Variants in CDH13 observed in about 807,000 individuals in gnomAD.
The protein encoded by CDH13 is cadherin 13, also known as cadherin-13.
Under a neutral mutation model 63.8 loss-of-function variants are expected in CDH13, and 24 were observed. The observed-to-expected ratio is 0.38, with a 90% CI of 0.27 to 0.53. The LOEUF (loss-of-function observed/expected upper bound fraction) is 0.53. CDH13 is among the 20% of genes least tolerant of loss of function. The probability of loss-of-function intolerance (pLI) is 0.85; values close to 1 mark genes in which losing one functional copy is unlikely to be tolerated. For synonymous variants in CDH13, 503 were observed against 355.3 expected (o/e 1.42, Z -4.67); for missense variants, 1,049 against 903.1 (o/e 1.16, Z -2.07).
intron 8 of CDH13, 109 bp from the exon 9 acceptor site, chr16:83,670,681 T>C: frequency 1.1e-6 from 1 of 941,300 alleles, no homozygotes; most frequent in Non-Finnish European, 1.7e-6. Context: ...TCTTATGTTA[T>C]TATTTATTTT....
chr16:82,992,086 G>A (rs1027953069), intron 2 of CDH13, among the ~76,000 whole-genome samples: 5 of 152,138 alleles, frequency 3.3e-5, no homozygotes, highest in South Asian at 4.1e-4. Context: ...GAAGTGAAAC[G>A]GCACTGATTA....
At chr16:82,723,623 C>T (rs372597784) in intron 1 of CDH13, among the ~76,000 whole-genome samples, 2 of 152,194 alleles carry the variant, frequency 1.3e-5, no homozygotes, top group South Asian at 4.1e-4. Flanking sequence ...TCCTAAATGA[C>T]AGCAAGGAGT....
At chr16:83,074,981 C>G (rs1215041895) in intron 3 of CDH13, among the ~76,000 whole-genome samples, 1 of 152,196 alleles carries the variant, frequency 6.6e-6, no homozygotes, top group African/African-American at 2.4e-5. Context: ...TGCCTCTCAC[C>G]TTACAGCTTG....
At chr16:83,134,537 G>T (rs1446200970) in intron 4 of CDH13, among the ~76,000 whole-genome samples, 1 of 136,298 alleles carries the variant, frequency 7.3e-6, no homozygotes, top group African/African-American at 2.7e-5. Context: ...GTGGGGATGG[G>T]GTGGGGGGAG....
At chr16:83,126,872 G>A (rs906262968) in intron 4 of CDH13, among the ~76,000 whole-genome samples, 1 of 152,176 alleles carries the variant, frequency 6.6e-6, no homozygotes, top group African/African-American at 2.4e-5. Flanking sequence ...ATGCTAGTGG[G>A]AAGACAGAAA....
chr16:82,889,905 C>T (rs1215702468), intron 2 of CDH13, among the ~76,000 whole-genome samples: 2 of 152,226 alleles, frequency 1.3e-5, no homozygotes, highest in African/African-American at 4.8e-5. Flanking sequence ...AGAGTATAGA[C>T]TCTTCTTTGG....
intron 1 of CDH13, among the ~76,000 whole-genome samples, chr16:82,698,757 A>G (rs1423986507): frequency 6.6e-6 from 1 of 152,210 alleles, no homozygotes. Context: ...AACATTTTTT[A>G]CAATCTATTA....
chr16:83,668,223 C>T (rs952853389), intron 8 of CDH13, among the ~76,000 whole-genome samples: 3 of 152,140 alleles, frequency 2.0e-5, no homozygotes, highest in African/African-American at 7.2e-5. Context: ...GATCCCACTT[C>T]CTATACTTAA....
rs116975277 is a variant in CDH13 at position 83,306,350 on chromosome 16, T to C, written c.637-38512T>C. Among the ~76,000 whole-genome samples the C allele has an allele frequency of 8.4e-3, 1,280 of 152,314 alleles. 2 individuals carry two copies. The highest frequency in any genetic ancestry group is 0.014 in the Non-Finnish European group (932 of 68,030). On this transcript the variant is annotated intron_variant, in intron 5 of 13. Transcript: ENST00000567109. ...AGGCTAGCAGGAGGTGTTTGGCTTA[T>C]AGGGGCAGATGTCTCACAAATGCTG...
chr16:82,795,649 G>C (rs372523887), intron 1 of CDH13, among the ~76,000 whole-genome samples: 77 of 152,262 alleles, frequency 5.1e-4, no homozygotes, highest in African/African-American at 1.8e-3. Context: ...TTGTTAAGTA[G>C]GGGGACAGAG....
chr16:83,589,282 C>CCA (rs995253375), intron 7 of CDH13, among the ~76,000 whole-genome samples: 16 of 124,604 alleles, frequency 1.3e-4, no homozygotes, highest in Non-Finnish European at 1.9e-4. Context: ...TCCCTTTCCC[C>CCA]CCCCCGGACC....
chr16:83,031,267 TGCGC>T (rs1916293522), intron 2 of CDH13, among the ~76,000 whole-genome samples: 1 of 146,000 alleles, frequency 6.8e-6, no homozygotes, highest in African/African-American at 2.5e-5. Context: ...ACCATATACA[TGCGC>T]ATGTATACAC....
intron 6 of CDH13, among the ~76,000 whole-genome samples, chr16:83,445,932 A>G (rs1436741603): frequency 1.3e-5 from 2 of 152,166 alleles, no homozygotes; most frequent in Non-Finnish European, 2.9e-5. Context: ...TCTTGACTCA[A>G]AAAGGCAACT....
intron 1 of CDH13, among the ~76,000 whole-genome samples, chr16:82,756,826 C>T (rs1194490765): frequency 1.3e-5 from 2 of 152,200 alleles, no homozygotes; most frequent in Admixed American, 1.3e-4. Context: ...GAGAGACAGA[C>T]TGTCACCAAT....
At chr16:82,814,258 TGG>T (rs1475608855) in intron 1 of CDH13, among the ~76,000 whole-genome samples, 3 of 152,108 alleles carry the variant, frequency 2.0e-5, no homozygotes, top group Non-Finnish European at 4.4e-5. Flanking sequence ...CGAAATCCCT[TGG>T]TATTTCCTGG....
chr16:83,075,905 C>G (rs1352596254), intron 3 of CDH13, among the ~76,000 whole-genome samples: 2 of 152,178 alleles, frequency 1.3e-5, no homozygotes, highest in Non-Finnish European at 2.9e-5. Context: ...CAAAAATCCT[C>G]TAAACACATA....
chr16:83,773,603 A>G (rs776385122), intron 11 of CDH13, among the ~76,000 whole-genome samples: 1 of 152,150 alleles, frequency 6.6e-6, no homozygotes, highest in Non-Finnish European at 1.5e-5. Flanking sequence ...TGTGGGGATT[A>G]CAATTGGAGA....
chr16:83,702,217 T>C (rs978263909), intron 10 of CDH13, among the ~76,000 whole-genome samples: 1 of 152,216 alleles, frequency 6.6e-6, no homozygotes, highest in Non-Finnish European at 1.5e-5. Flanking sequence ...TTGGCATAGC[T>C]TCCATCACAC....
intron 2 of CDH13, among the ~76,000 whole-genome samples, chr16:83,005,807 T>A (rs898380055): frequency 3.3e-5 from 5 of 152,224 alleles, no homozygotes; most frequent in African/African-American, 4.8e-5. Context: ...CTCAGTTATT[T>A]AAAACAATTC....
Sources: gnomAD v4.1 joint callset for allele counts (sites outside exome capture counted in the v4.1 genomes callset) on GRCh38, gnomAD v4.1.1 for gene constraint, MANE v1.5 for transcripts, NCBI Gene and HGNC (gene_info 2026-07-23, HGNC 2026-07-21) for gene names.